HMGCLL1: variants seen among roughly 807,000 people sequenced by gnomAD.
HMGCLL1 encodes the protein 3-hydroxy-3-methylglutaryl-CoA lyase like 1.
In HMGCLL1, 36 loss-of-function variants were observed where a neutral mutation model predicts 39.1. The ratio of observed to expected loss-of-function variants is 0.92; its 90% CI spans 0.71 to 1.22. The LOEUF (loss-of-function observed/expected upper bound fraction) is 1.22. Ranked by LOEUF, HMGCLL1 falls within the 50% of genes most tolerant of loss-of-function variation. The pLI is 0.00. For missense variants in HMGCLL1, 451 were observed against 416.5 expected (o/e 1.08, Z -0.72); for synonymous variants, 149 against 144.0 (o/e 1.03, Z -0.25).
At chr6:55,629,237 G>T in the HMGCLL1 span, among the ~76,000 whole-genome samples, 1 of 152,186 alleles carries the variant, frequency 6.6e-6, no homozygotes, top group African/African-American at 2.4e-5. Flanking sequence ...TAAGAAACTT[G>T]TTGGGAACTG....
intron 7 of HMGCLL1, among the ~76,000 whole-genome samples, chr6:55,489,411 G>A (rs959526649): frequency 6.6e-6 from 1 of 151,616 alleles, no homozygotes; most frequent in African/African-American, 2.4e-5. Flanking sequence ...TATGCCAAGG[G>A]AAGAATCATA....
chr6:55,603,116 C>A, the HMGCLL1 span, among the ~76,000 whole-genome samples: 3 of 152,064 alleles, frequency 2.0e-5, no homozygotes, highest in East Asian at 5.8e-4. Flanking sequence ...TCTACCGCCT[C>A]TTCAGATAAA....
the HMGCLL1 span, among the ~76,000 whole-genome samples, chr6:55,627,049 G>GAAAAAA: frequency 8.2e-5 from 7 of 85,810 alleles, no homozygotes; most frequent in Admixed American, 1.4e-4. Context: ...CACTCCACCA[G>GAAAAAA]AAAAAAAAAA....
At chr6:55,613,845 G>T in the HMGCLL1 span, among the ~76,000 whole-genome samples, 1 of 152,136 alleles carries the variant, frequency 6.6e-6, no homozygotes, top group Non-Finnish European at 1.5e-5. Context: ...CCAAGGTGAT[G>T]TGTTGATAGA....
the HMGCLL1 span, among the ~76,000 whole-genome samples, chr6:55,614,570 G>A: frequency 6.6e-6 from 1 of 152,038 alleles, no homozygotes; most frequent in South Asian, 2.1e-4. Flanking sequence ...CTAATCACAT[G>A]CACATAAATA....
intron 7 of HMGCLL1, among the ~76,000 whole-genome samples, chr6:55,472,453 T>A (rs1481832010): frequency 7.1e-6 from 1 of 141,338 alleles, no homozygotes; most frequent in East Asian, 2.1e-4. Context: ...ATTTGTCCAT[T>A]TTACCACTGA....
chr6:55,622,804 C>T, the HMGCLL1 span, among the ~76,000 whole-genome samples: 1 of 151,780 alleles, frequency 6.6e-6, no homozygotes, highest in Non-Finnish European at 1.5e-5. Flanking sequence ...TTTTCTCTTC[C>T]CCTGTTTTTT....
intron 7 of HMGCLL1, among the ~76,000 whole-genome samples, chr6:55,440,861 T>C (rs1763564449): frequency 6.6e-6 from 1 of 152,162 alleles, no homozygotes; most frequent in Non-Finnish European, 1.5e-5. Flanking sequence ...CCTGCCTTCC[T>C]TCCCTTCTTT....
At chr6:55,650,857 G>A in the HMGCLL1 span, among the ~76,000 whole-genome samples, 12 of 151,924 alleles carry the variant, frequency 7.9e-5, no homozygotes, top group South Asian at 4.2e-4. Flanking sequence ...AGGCCACCAC[G>A]AATTTTTACT....
chr6:55,542,188 A>G (rs1769479646), intron 1 of HMGCLL1, 48 bp from the exon 2 acceptor site: 2 of 1,253,534 alleles, frequency 1.6e-6, no homozygotes, highest in Non-Finnish European at 2.3e-6. Flanking sequence ...TTAGATTGTT[A>G]CATTTGCTTA....
chr6:55,570,961 G>C (rs879430569), intron 1 of HMGCLL1, among the ~76,000 whole-genome samples: 1 of 152,154 alleles, frequency 6.6e-6, no homozygotes, highest in South Asian at 2.1e-4. Context: ...CCAAGCGAAA[G>C]GGGAAACCCC....
intron 7 of HMGCLL1, among the ~76,000 whole-genome samples, chr6:55,456,894 C>T (rs1056430745): frequency 1.3e-4 from 20 of 152,228 alleles, no homozygotes; most frequent in African/African-American, 4.6e-4. Flanking sequence ...GGGTGCAAAT[C>T]GTAGGAAGCC....
chr6:55,588,652 C>A, the HMGCLL1 span, among the ~76,000 whole-genome samples: 6 of 152,052 alleles, frequency 3.9e-5, no homozygotes, highest in African/African-American at 1.4e-4. Context: ...AATTGATAGA[C>A]CGCTAGCAAG....
intron 1 of HMGCLL1, chr6:55,563,722 T>C (rs961891432): frequency 2.4e-6 from 1 of 417,696 alleles, no homozygotes; most frequent in African/African-American, 2.1e-5. Context: ...GCATCAAAAC[T>C]AGCTAAATAA....
At chr6:55,676,470 TGCATTGA>T in the HMGCLL1 span, among the ~76,000 whole-genome samples, 2 of 152,192 alleles carry the variant, frequency 1.3e-5, 1 homozygote, top group South Asian at 4.1e-4. Context: ...TAAATGGCCT[TGCATTGA>T]GGAAGTAATG....
At chr6:55,469,669 C>CTCCCTCCTTTCCATTGT (rs1764962139) in intron 7 of HMGCLL1, among the ~76,000 whole-genome samples, 1 of 151,480 alleles carries the variant, frequency 6.6e-6, no homozygotes, top group Non-Finnish European at 1.5e-5. Flanking sequence ...CACTGATTTT[C>CTCCCTCCTTTCCATTGT]ACTGGCCAAA....
intron 7 of HMGCLL1, among the ~76,000 whole-genome samples, chr6:55,441,021 C>T (rs775875077): frequency 5.9e-5 from 9 of 152,070 alleles, no homozygotes; most frequent in Non-Finnish European, 1.0e-4. Flanking sequence ...CTTATTAAAG[C>T]ACAGCAAGGA....
At chr6:55,493,438 C>T (rs1406253943) in intron 7 of HMGCLL1, among the ~76,000 whole-genome samples, 1 of 152,114 alleles carries the variant, frequency 6.6e-6, no homozygotes, top group African/African-American at 2.4e-5. Flanking sequence ...TGTTTCCTGT[C>T]CCCTGTATGG....
intron 4 of HMGCLL1, among the ~76,000 whole-genome samples, chr6:55,516,090 AC>A (rs1172112794): frequency 1.3e-5 from 2 of 152,108 alleles, no homozygotes; most frequent in Admixed American, 6.6e-5. Flanking sequence ...TTAGCTTTTC[AC>A]CCAGAGGGAG....
Sources: gnomAD v4.1 joint callset for allele counts (sites outside exome capture counted in the v4.1 genomes callset) on GRCh38, gnomAD v4.1.1 for gene constraint, MANE v1.5 for transcripts, NCBI Gene and HGNC (gene_info 2026-07-23, HGNC 2026-07-21) for gene names.